Variants in AAK1 observed in about 807,000 individuals in gnomAD.
The protein encoded by AAK1 is AP2 associated kinase 1.
A neutral mutation model predicts 116.0 loss-of-function variants in AAK1; 37 were observed. The ratio of observed to expected loss-of-function variants is 0.32; its 90% CI spans 0.25 to 0.42. The LOEUF is 0.42. AAK1 is among the 10% of genes least tolerant of loss of function. AAK1 has a pLI of 1.00. For synonymous variants in AAK1, 458 were observed against 439.9 expected (o/e 1.04, Z -0.51); for missense variants, 919 against 1,170.6 (o/e 0.79, Z 3.14).
In AAK1 at chr2:69,470,076, C is replaced by T. The variant is rs1674624822; in HGVS notation, c.*5793G>A. On this transcript the variant is annotated 3_prime_UTR_variant, in exon 22 of 22. Transcript: ENST00000409085. Reference sequence around the variant, plus strand: ...TGACATAGTGAGGGCCATCAGAATGCTCCCTACAGAATTAAAATCTGAAGA... The same window carrying T: ...TGACATAGTGAGGGCCATCAGAATGTTCCCTACAGAATTAAAATCTGAAGA... 4 of 985,284 alleles carry T rather than the reference C, an allele frequency of 4.1e-6. No individual in the cohort carries two copies. The highest frequency in any genetic ancestry group is 4.8e-6 in the Non-Finnish European group (4 of 829,928). The allele number at this position is 985,284 out of a possible 1,614,324, so 61.0% of individuals were successfully genotyped here.
intron 17 of AAK1, among the ~76,000 whole-genome samples, chr2:69,495,181 A>G (rs1307004306): frequency 6.6e-6 from 1 of 152,190 alleles, no homozygotes; most frequent in Non-Finnish European, 1.5e-5. Context: ...GATAAGAGAA[A>G]GGGCGGCTTC....
chr2:69,466,698 G>C lies in AAK1; in HGVS notation c.*9171C>G. The C allele has an allele frequency of 9.0e-7, 1 of 1,113,286 alleles. No homozygotes were observed. The highest frequency in any genetic ancestry group is 1.1e-6 in the Non-Finnish European group (1 of 903,400). The allele number at this position is 1,113,286 out of a possible 1,614,324, so 69.0% of individuals were successfully genotyped here. A position where few individuals can be genotyped will look rare whatever the true frequency, so the allele number is the denominator to read the frequency against. On this transcript the variant is annotated 3_prime_UTR_variant, in exon 22 of 22. Coordinates refer to ENST00000409085, the MANE Select transcript of AAK1 (RefSeq NM_014911.5). ...GGAAAAACATAAAAATAAAAGTCAG[G>C]CAAGGAAACTGCACACAAACTGGAA...
intron 2 of AAK1, among the ~76,000 whole-genome samples, chr2:69,567,427 A>G (rs1169383513): frequency 6.6e-6 from 1 of 152,176 alleles, no homozygotes; most frequent in East Asian, 1.9e-4. Flanking sequence ...TGTACACTCT[A>G]AACTGCACAA....
At chr2:69,549,519 C>G (rs949207004) in intron 3 of AAK1, among the ~76,000 whole-genome samples, 12 of 152,178 alleles carry the variant, frequency 7.9e-5, no homozygotes, top group Non-Finnish European at 1.8e-4. Context: ...ATGCTTTGCT[C>G]TGCTACATTC....
chr2:69,503,074 A>C (rs1342779602), intron 16 of AAK1, among the ~76,000 whole-genome samples: 1 of 152,240 alleles, frequency 6.6e-6, no homozygotes, highest in African/African-American at 2.4e-5. Flanking sequence ...TATAGTTTAC[A>C]GCAAAGACTG....
At chr2:69,492,998 T>G (rs1484853398) in intron 17 of AAK1, among the ~76,000 whole-genome samples, 1 of 151,500 alleles carries the variant, frequency 6.6e-6, no homozygotes, top group East Asian at 1.9e-4. Flanking sequence ...CTAGAGACAC[T>G]GAACCCTGAG....
chr2:69,514,548 G>A lies in AAK1; in HGVS notation c.1699C>T (p.Pro567Ser). 6.4e-7 allele frequency: 1 copy of A among 1,554,302 alleles called. No individual in the cohort carries two copies. The highest frequency in any genetic ancestry group is 8.7e-7 in the Non-Finnish European group (1 of 1,148,672). The part of the protein sequence containing the change: ...MTQQAALQQK[P>S]TMAAGQQPQP... ...GGCTGCTGTCCTGCTGCCATAGTGGGCTTTTGCTGCAAGGCAGCCTGCTGA... is the reference window on the plus strand; with the variant it reads ...GGCTGCTGTCCTGCTGCCATAGTGGACTTTTGCTGCAAGGCAGCCTGCTGA... Residue 567 changes from proline to serine, a missense_variant, in exon 13 of 22, where the codon CCC becomes TCC. By Grantham distance (74) the Pro-to-Ser change is moderately conservative (BLOSUM62 -1). Around this residue, in one of 4 missense-constraint regions of AAK1, gnomAD observed 214 missense variants for 210.6 expected, o/e 1.02. Transcript: ENST00000409085.
At chr2:69,503,046 C>T (rs997978223) in intron 16 of AAK1, among the ~76,000 whole-genome samples, 6 of 152,236 alleles carry the variant, frequency 3.9e-5, no homozygotes, top group African/African-American at 1.4e-4. Context: ...ACAAACTGGG[C>T]CACAGACAGC....
At position 69,475,947 on chromosome 2, in the gene AAK1, G is replaced by C. The variant is rs746443874; in HGVS notation, c.2808C>G (p.Asn936Lys). The C allele has an allele frequency of 6.2e-7, 1 of 1,612,018 alleles. No homozygotes were observed. The highest frequency in any genetic ancestry group is 1.3e-5 in the African/African-American group (1 of 74,992). The part of the protein sequence containing the change: ...TKNPQGGHSR[N>K]SSGSSESSLP... Reference sequence around the variant, plus strand: ...GACTGGACTCAGAGCTCCCACTGCTGTTTCTAGAGTGCCCACCTGGAAGTG... The same window carrying C: ...GACTGGACTCAGAGCTCCCACTGCTCTTTCTAGAGTGCCCACCTGGAAGTG... Residue 936 changes from asparagine to lysine, a missense_variant, in exon 22 of 22, where the codon AAC (asparagine) becomes AAG (lysine). Asn to Lys is a moderately conservative substitution (Grantham distance 94). Transcript: ENST00000409085.
rs6757825 is a variant in AAK1, at chr2:69,514,669, C to T, written c.1578G>A (p.Gln526=). ...GCTGCTGGTAGAAATTCTGCATTAG[C>T]TGCTGTTGAGAGCCTCCTTGGGACA... ...PVVSQGGSQQ[Q]LMQNFYQQQQ... is the part of the protein sequence containing the mutation. The change falls in exon 13 of 22, where the codon CAG becomes CAA. Residue 526 remains glutamine, a synonymous_variant. Transcript: ENST00000409085. The T allele has an allele frequency of 0.16, 254,726 of 1,613,106 alleles. 21,118 individuals are homozygous for T. The highest frequency in any genetic ancestry group is 0.17 in the Non-Finnish European group (197,923 of 1,179,582).
At chr2:69,614,093 A>G (rs1460189451) in intron 2 of AAK1, among the ~76,000 whole-genome samples, 1 of 152,236 alleles carries the variant, frequency 6.6e-6, no homozygotes, top group Non-Finnish European at 1.5e-5. Context: ...AAATGTGAGT[A>G]GAGGAAATGG....
intron 2 of AAK1, among the ~76,000 whole-genome samples, chr2:69,605,546 T>C (rs1241764380): frequency 6.6e-6 from 1 of 152,170 alleles, no homozygotes; most frequent in Non-Finnish European, 1.5e-5. Context: ...GACATAACTA[T>C]GGTACAACGT....
chr2:69,504,554 G>A (rs1475045470), intron 16 of AAK1, among the ~76,000 whole-genome samples: 1 of 152,092 alleles, frequency 6.6e-6, no homozygotes. Flanking sequence ...GATCACCTGA[G>A]ATCAGGAGTT....
chr2:69,592,335 C>T (rs535304951), intron 2 of AAK1, among the ~76,000 whole-genome samples: 1 of 152,220 alleles, frequency 6.6e-6, no homozygotes, highest in South Asian at 2.1e-4. Flanking sequence ...GAGACATTTC[C>T]AGTTGTCACA....
intron 13 of AAK1, among the ~76,000 whole-genome samples, chr2:69,511,136 T>C (rs1223823919): frequency 6.6e-6 from 1 of 152,156 alleles, no homozygotes; most frequent in Non-Finnish European, 1.5e-5. Context: ...ATCCCTTCCC[T>C]CCAGTCCCTC....
At chr2:69,613,857 C>T (rs746643062) in intron 2 of AAK1, among the ~76,000 whole-genome samples, 14 of 152,184 alleles carry the variant, frequency 9.2e-5, no homozygotes, top group Non-Finnish European at 1.9e-4. Flanking sequence ...AATGATCAAA[C>T]AGGAGGAAGG....
chr2:69,588,508 T>C (rs1672886655), intron 2 of AAK1, among the ~76,000 whole-genome samples: 1 of 152,202 alleles, frequency 6.6e-6, no homozygotes, highest in African/African-American at 2.4e-5. Context: ...GTTTCAGCAG[T>C]AGATGGCTAC....
chr2:69,565,156 C>T lies in AAK1; in HGVS notation c.164-8178G>A, dbSNP rs1420706734. 2.6e-5 allele frequency among the ~76,000 whole-genome samples: 4 copies of T among 152,280 alleles called. No homozygotes were observed. The East Asian group carries it at 5.8e-4, about 22-fold the overall frequency. On this transcript the variant is annotated intron_variant, in intron 2 of 21. Coordinates refer to ENST00000409085, the MANE Select transcript of AAK1 (RefSeq NM_014911.5). ...GGAAGATCACAGGGAGGAGTGGGGCCGGTGGCCCTGAGAAAGTTCATGCCC... is the reference window on the plus strand; with the variant it reads ...GGAAGATCACAGGGAGGAGTGGGGCTGGTGGCCCTGAGAAAGTTCATGCCC...
At chr2:69,527,182 T>C (rs747185852) in intron 9 of AAK1, 34 bp downstream of exon 9, 7 of 1,478,728 alleles carry the variant, frequency 4.7e-6, no homozygotes, top group Non-Finnish European at 5.6e-6. Flanking sequence ...AATTTGATAA[T>C]GTTTACTCCC....
Sources: gnomAD v4.1 joint callset for allele counts (sites outside exome capture counted in the v4.1 genomes callset) on GRCh38, gnomAD v4.1.1 for gene constraint, gnomAD v4.1.1 regional missense constraint, MANE v1.5 for transcripts, NCBI Gene and HGNC (gene_info 2026-07-23, HGNC 2026-07-21) for gene names.